Variants in PTGER3 observed in about 807,000 individuals in gnomAD.
PTGER3 encodes the protein prostaglandin E2 receptor EP3 subtype.
Under a neutral mutation model 34.7 loss-of-function variants are expected in PTGER3, and 22 were observed. The ratio of observed to expected loss-of-function variants is 0.63; its 90% CI spans 0.45 to 0.91. The LOEUF (loss-of-function observed/expected upper bound fraction) is 0.91. PTGER3 is among the 40% of genes least tolerant of loss of function. The pLI is 0.00. For synonymous variants in PTGER3, 241 were observed against 230.1 expected (o/e 1.05, Z -0.43); for missense variants, 468 against 519.4 (o/e 0.90, Z 0.96).
chr1:70,912,604 G>A (rs1459676695), intron 4 of PTGER3, among the ~76,000 whole-genome samples: 1 of 152,032 alleles, frequency 6.6e-6, no homozygotes, highest in African/African-American at 2.4e-5. Flanking sequence ...ATTGAAAAAG[G>A]CCACGTCCTC....
At chr1:70,912,564 G>T (rs937046608) in intron 4 of PTGER3, among the ~76,000 whole-genome samples, 1 of 151,920 alleles carries the variant, frequency 6.6e-6, no homozygotes, top group Non-Finnish European at 1.5e-5. Flanking sequence ...CAAAATGAAA[G>T]GTACATGTAC....
At chr1:70,996,828 C>G (rs1268899619) in intron 2 of PTGER3, among the ~76,000 whole-genome samples, 1 of 151,900 alleles carries the variant, frequency 6.6e-6, no homozygotes, top group African/African-American at 2.4e-5. Context: ...CGCGCCCAGC[C>G]TTTTTTTGTG....
At chr1:71,010,459 C>T in intron 2 of PTGER3, 1 of 983,352 alleles carries the variant, frequency 1.0e-6, no homozygotes, top group Non-Finnish European at 1.2e-6. Context: ...TTCTATATTC[C>T]AGGTGCTATA....
intron 4 of PTGER3, among the ~76,000 whole-genome samples, chr1:70,906,396 C>T (rs1240869563): frequency 2.0e-5 from 3 of 152,098 alleles, no homozygotes; most frequent in African/African-American, 4.8e-5. Flanking sequence ...GTCATGGATG[C>T]CTACATTCTA....
At chr1:70,973,033 G>GAGATGGAACA (rs1553169469) in intron 3 of PTGER3, among the ~76,000 whole-genome samples, 1 of 151,164 alleles carries the variant, frequency 6.6e-6, no homozygotes, top group Non-Finnish European at 1.5e-5. Flanking sequence ...TACCAAAAAA[G>GAGATGGAACA]AGATGGAAAC....
At chr1:71,017,325 C>A (rs951650238) in intron 1 of PTGER3, among the ~76,000 whole-genome samples, 5 of 152,084 alleles carry the variant, frequency 3.3e-5, no homozygotes, top group Non-Finnish European at 5.9e-5. Flanking sequence ...ATGAGGATGA[C>A]CTCCTCTAAA....
chr1:70,891,507 T>A (rs559358197), intron 4 of PTGER3, among the ~76,000 whole-genome samples: 123 of 151,778 alleles, frequency 8.1e-4, no homozygotes, highest in African/African-American at 2.2e-3. Flanking sequence ...CTATAATTGG[T>A]AAAAGTCTAT....
chr1:71,046,887 C>T lies in PTGER3; in HGVS notation c.691G>A (p.Ala231Thr), dbSNP rs777755530. Residue 231 changes from alanine (A) to threonine (T), a missense_variant, in exon 1 of 4, where the codon GCC (alanine) becomes ACC (threonine). Transcript: ENST00000306666. ...SSHNWGNLFFASAFAFLGLLA... is the reference protein window; with the variant it reads ...SSHNWGNLFFTSAFAFLGLLA... The stretch of plus-strand genomic sequence containing the variant: ...AGCCCCAGGAAGGCAAAGGCAGAGG[C>T]GAAGAAAAGGTTGCCCCAGTTATGC... 16 of 1,612,916 alleles carry T rather than the reference C, an allele frequency of 9.9e-6. No homozygotes were observed. The highest frequency in any genetic ancestry group is 1.3e-5 in the African/African-American group (1 of 74,930).
chr1:70,925,468 A>G (rs1647972981), intron 4 of PTGER3, among the ~76,000 whole-genome samples: 1 of 152,242 alleles, frequency 6.6e-6, no homozygotes, highest in South Asian at 2.1e-4. Context: ...ATGATATACA[A>G]TATTATCCAT....
intron 4 of PTGER3, among the ~76,000 whole-genome samples, chr1:70,903,832 A>G (rs1223151291): frequency 6.6e-6 from 1 of 152,218 alleles, no homozygotes; most frequent in Non-Finnish European, 1.5e-5. Context: ...CTCTTGTAAT[A>G]CTGGGTAAGA....
chr1:71,027,971 T>C (rs1333779830), intron 1 of PTGER3, among the ~76,000 whole-genome samples: 1 of 152,222 alleles, frequency 6.6e-6, no homozygotes, highest in East Asian at 1.9e-4. Flanking sequence ...CTATGCTGTA[T>C]AGATGAAAGT....
intron 2 of PTGER3, among the ~76,000 whole-genome samples, chr1:70,976,818 A>C (rs1455075260): frequency 1.3e-5 from 2 of 152,136 alleles, no homozygotes. Flanking sequence ...GCAGGTACTA[A>C]CGAGCCTCTC....
At chr1:70,992,164 A>G (rs2100774819) in intron 2 of PTGER3, among the ~76,000 whole-genome samples, 1 of 152,290 alleles carries the variant, frequency 6.6e-6, no homozygotes, top group Admixed American at 6.5e-5. Flanking sequence ...GTTTGAACCC[A>G]AGTAGTCTGG....
intron 2 of PTGER3, among the ~76,000 whole-genome samples, chr1:70,954,981 G>A (rs1215311109): frequency 3.3e-5 from 5 of 152,192 alleles, no homozygotes; most frequent in African/African-American, 7.2e-5. Context: ...AGAGAGAAGC[G>A]AATAGGGAAG....
At chr1:71,011,811 C>T in intron 2 of PTGER3, 1 of 995,782 alleles carries the variant, frequency 1.0e-6, no homozygotes, top group Non-Finnish European at 1.2e-6. Context: ...AAAGAGAACA[C>T]AGCAATGTCT....
intron 4 of PTGER3, among the ~76,000 whole-genome samples, chr1:70,945,059 TC>T (rs960822186): frequency 2.6e-5 from 4 of 152,240 alleles, no homozygotes; most frequent in Non-Finnish European, 5.9e-5. Context: ...TTGATTAAAG[TC>T]CTATAGTTAG....
At chr1:71,037,625 C>T (rs1659954582) in intron 1 of PTGER3, among the ~76,000 whole-genome samples, 1 of 152,004 alleles carries the variant, frequency 6.6e-6, no homozygotes, top group African/African-American at 2.4e-5. Flanking sequence ...ATAGTATGTC[C>T]AATAGGGACG....
chr1:71,009,088 A>G, intron 2 of PTGER3: 1 of 985,154 alleles, frequency 1.0e-6, no homozygotes, highest in Non-Finnish European at 1.2e-6. Context: ...AATAATTTGG[A>G]GTCAAAAAGA....
At chr1:70,960,172 T>A (rs1651782190) in intron 2 of PTGER3, among the ~76,000 whole-genome samples, 1 of 152,172 alleles carries the variant, frequency 6.6e-6, no homozygotes, top group East Asian at 1.9e-4. Flanking sequence ...AACTTGATCC[T>A]GGACTTCCAG....
Sources: gnomAD v4.1 joint callset for allele counts (sites outside exome capture counted in the v4.1 genomes callset) on GRCh38, gnomAD v4.1.1 for gene constraint, MANE v1.5 for transcripts, NCBI Gene and HGNC (gene_info 2026-07-23, HGNC 2026-07-21) for gene names.